The following RGS7 variants were observed in gnomAD, a reference collection of about 807,000 sequenced individuals.
RGS7 encodes regulator of G-protein signaling 7.
A neutral mutation model predicts 81.1 loss-of-function variants in RGS7; 27 were observed. The ratio of observed to expected loss-of-function variants is 0.33; its 90% CI spans 0.25 to 0.46. RGS7 has a LOEUF of 0.46. Ranked by LOEUF, RGS7 falls within the 20% of genes least tolerant of loss-of-function variation. RGS7 has a pLI of 1.00. For synonymous variants in RGS7, 208 were observed against 207.7 expected (o/e 1.00, Z -0.01); for missense variants, 396 against 607.4 (o/e 0.65, Z 3.66).
intron 14 of RGS7, among the ~76,000 whole-genome samples, chr1:240,807,977 G>A (rs1303143139): frequency 1.3e-5 from 2 of 149,612 alleles, no homozygotes; most frequent in African/African-American, 2.5e-5. Flanking sequence ...GGAGGTTGCA[G>A]TGAGCAGAGA....
chr1:241,012,896 C>T (rs74149579), intron 3 of RGS7, among the ~76,000 whole-genome samples: 8,247 of 152,088 alleles, frequency 0.054, 745 homozygotes, highest in African/African-American at 0.19. Context: ...GGCTGCTACC[C>T]GTGAGGTTTC....
At chr1:240,982,272 A>T (rs1333895608) in intron 4 of RGS7, among the ~76,000 whole-genome samples, 2 of 151,972 alleles carry the variant, frequency 1.3e-5, no homozygotes, top group African/African-American at 2.4e-5. Context: ...ATACAAAAAA[A>T]TTAGCCTGAT....
chr1:241,119,819 G>A (rs540730222), intron 2 of RGS7, among the ~76,000 whole-genome samples: 1 of 151,682 alleles, frequency 6.6e-6, no homozygotes, highest in Non-Finnish European at 1.5e-5. Context: ...TTGAAATGAC[G>A]GTCTTATTTT....
At chr1:240,910,285 G>T (rs979260607) in intron 6 of RGS7, among the ~76,000 whole-genome samples, 1 of 152,170 alleles carries the variant, frequency 6.6e-6, no homozygotes, top group Non-Finnish European at 1.5e-5. Context: ...AATGTGGGGC[G>T]TTTGGCCCTT....
At chr1:241,027,524 G>A (rs1422051433) in intron 3 of RGS7, among the ~76,000 whole-genome samples, 6 of 152,124 alleles carry the variant, frequency 3.9e-5, no homozygotes. Context: ...TGCTGCCCAG[G>A]GTGCGTGGTA....
At chr1:240,992,348 A>C (rs912616250) in intron 3 of RGS7, among the ~76,000 whole-genome samples, 3 of 152,050 alleles carry the variant, frequency 2.0e-5, no homozygotes, top group Non-Finnish European at 4.4e-5. Context: ...TATAAATATG[A>C]AAAAAATTAG....
chr1:241,338,007 CT>C (rs1345256467), intron 2 of RGS7, among the ~76,000 whole-genome samples: 1 of 152,000 alleles, frequency 6.6e-6, no homozygotes, highest in African/African-American at 2.4e-5. Flanking sequence ...TTCTATTTTC[CT>C]CAAAACGTCA....
chr1:241,212,116 T>C (rs183400467), intron 2 of RGS7, among the ~76,000 whole-genome samples: 59 of 151,786 alleles, frequency 3.9e-4, no homozygotes, highest in African/African-American at 1.4e-3. Flanking sequence ...TTATAATTAA[T>C]AAATAATAGT....
At chr1:240,796,665 G>A (rs1470829449) in intron 18 of RGS7, among the ~76,000 whole-genome samples, 1 of 152,198 alleles carries the variant, frequency 6.6e-6, no homozygotes, top group Non-Finnish European at 1.5e-5. Context: ...CAGCTTGGGT[G>A]ACAGAGTGAA....
At chr1:240,787,120 C>T (rs1211399244) in intron 18 of RGS7, among the ~76,000 whole-genome samples, 1 of 152,126 alleles carries the variant, frequency 6.6e-6, no homozygotes, top group Non-Finnish European at 1.5e-5. Flanking sequence ...TAACAAAACA[C>T]ATCTATTTGG....
intron 2 of RGS7, 40 bp downstream of exon 2, chr1:241,355,659 G>C (rs1397734800): frequency 6.4e-7 from 1 of 1,573,250 alleles, no homozygotes; most frequent in Non-Finnish European, 8.8e-7. Flanking sequence ...CGAGAAAGCC[G>C]GAAGTTTCCC....
rs10802920 is a variant in RGS7, at chr1:241,005,705, T to G, written c.176-22576A>C. Among the ~76,000 whole-genome samples the G allele has an allele frequency of 6.2e-3, 937 of 152,142 alleles. 14 individuals carry two copies. Among genetic ancestry groups the G allele is most frequent in the East Asian group, 0.061 (317 of 5,162 alleles). ...ATCCATCACCACACCCACCTAATTTTTTGTATTTTTAGTAGAGATGGGGTT... is the reference window on the plus strand; with the variant it reads ...ATCCATCACCACACCCACCTAATTTGTTGTATTTTTAGTAGAGATGGGGTT... On this transcript the variant is annotated intron_variant, in intron 3 of 18. Transcript: ENST00000440928.
intron 2 of RGS7, among the ~76,000 whole-genome samples, chr1:241,173,117 G>A (rs1471952727): frequency 6.6e-6 from 1 of 151,992 alleles, no homozygotes; most frequent in Non-Finnish European, 1.5e-5. Flanking sequence ...AATTTTTCAG[G>A]TGCATAAACT....
chr1:241,318,287 C>T lies in RGS7; in HGVS notation c.78+37412G>A, dbSNP rs537000527. 2.0e-4 allele frequency among the ~76,000 whole-genome samples: 31 copies of T among 152,224 alleles called. 2 individuals carry two copies. The highest frequency in any genetic ancestry group is 7.5e-4 in the African/African-American group (31 of 41,526). Reference sequence around the variant, plus strand: ...AATTATAGACATCTATAATATTTCACATTAAATATAAAATGAGACTTGGTT... The same window carrying T: ...AATTATAGACATCTATAATATTTCATATTAAATATAAAATGAGACTTGGTT... On this transcript the variant is annotated intron_variant, in intron 2 of 18. Coordinates refer to ENST00000440928, the MANE Select transcript of RGS7 (RefSeq NM_001364886.1).
chr1:240,956,276 A>G (rs1371934420), intron 4 of RGS7, among the ~76,000 whole-genome samples: 2 of 152,112 alleles, frequency 1.3e-5, no homozygotes, highest in Non-Finnish European at 2.9e-5. Flanking sequence ...AGCCAACTCC[A>G]AGAGTTCCCA....
intron 3 of RGS7, among the ~76,000 whole-genome samples, chr1:241,031,951 T>C (rs1558623583): frequency 1.3e-5 from 2 of 152,240 alleles, no homozygotes; most frequent in Non-Finnish European, 2.9e-5. Context: ...TGATTATCTC[T>C]TTTTCTATGC....
intron 9 of RGS7, among the ~76,000 whole-genome samples, chr1:240,864,831 G>A (rs186881669): frequency 1.1e-4 from 16 of 152,280 alleles, no homozygotes; most frequent in African/African-American, 3.8e-4. Context: ...AGTTATTCTG[G>A]TTGGGACCTC....
At chr1:241,035,311 G>T (rs2060269222) in intron 3 of RGS7, among the ~76,000 whole-genome samples, 1 of 151,716 alleles carries the variant, frequency 6.6e-6, no homozygotes, top group Non-Finnish European at 1.5e-5. Context: ...AAATATGGAA[G>T]AATGCAGGGA....
intron 2 of RGS7, among the ~76,000 whole-genome samples, chr1:241,106,716 CAAAAAAAAAAA>C (rs757488665): frequency 8.8e-5 from 3 of 34,050 alleles, no homozygotes; most frequent in East Asian, 1.2e-3. Context: ...ACTCCGTCTC[CAAAAAAAAAAA>C]AAAAAAAAAA....
Sources: gnomAD v4.1 joint callset for allele counts (sites outside exome capture counted in the v4.1 genomes callset) on GRCh38, gnomAD v4.1.1 for gene constraint, MANE v1.5 for transcripts, NCBI Gene and HGNC (gene_info 2026-07-23, HGNC 2026-07-21) for gene names.